FAM240B: variants seen among roughly 807,000 people sequenced by gnomAD.
FAM240B encodes protein FAM240B.
At chr9:38,702,532 C>T (rs1821142474) in intron 2 of FAM240B, among the ~76,000 whole-genome samples, 1 of 152,162 alleles carries the variant, frequency 6.6e-6, no homozygotes, top group South Asian at 2.1e-4. Flanking sequence ...GGACAGAGAA[C>T]CCGGACAGGC....
rs547189885 is a variant in FAM240B at position 38,694,665 on chromosome 9, G to A, written c.*111C>T. ...CATGTAAATCCCCTAGCAAATGGAA[G>A]CACAAATAGAGAGCGTCCTGTTTAG... is the stretch of plus-strand genomic sequence containing the variant. On this transcript the variant is annotated 3_prime_UTR_variant, in exon 3 of 3. Transcript: ENST00000637493. 18 of 396,884 alleles carry A rather than the reference G, an allele frequency of 4.5e-5. No individual in the cohort carries two copies. Among genetic ancestry groups the A allele is most frequent in the South Asian group, 2.7e-4 (2 of 7,352 alleles). 24.6% of individuals were successfully genotyped at this position (396,884 alleles called of 1,614,324 possible). A position where few individuals can be genotyped will look rare whatever the true frequency, so the allele number is the denominator to read the frequency against.
chr9:38,706,205 T>TAGCC (rs1371004485), intron 1 of FAM240B, among the ~76,000 whole-genome samples: 2 of 113,112 alleles, frequency 1.8e-5, no homozygotes, highest in Non-Finnish European at 2.1e-5. Flanking sequence ...CATTGTGGAA[T>TAGCC]AGCTAAATCG....
intron 1 of FAM240B, among the ~76,000 whole-genome samples, chr9:38,713,795 T>C (rs563068541): frequency 8.1e-4 from 124 of 152,344 alleles, no homozygotes; most frequent in African/African-American, 2.7e-3. Flanking sequence ...ATGGTGATGA[T>C]AGGTGCATCT....
At chr9:38,718,433 A>T (rs1424066951) in intron 1 of FAM240B, among the ~76,000 whole-genome samples, 2 of 152,256 alleles carry the variant, frequency 1.3e-5, no homozygotes, top group Non-Finnish European at 2.9e-5. Context: ...ATGACATAAC[A>T]GTATGGGCTG....
At chr9:38,719,134 T>C (rs948268501) in intron 1 of FAM240B, among the ~76,000 whole-genome samples, 1 of 152,226 alleles carries the variant, frequency 6.6e-6, no homozygotes, top group East Asian at 1.9e-4. Context: ...CACCTTCAAA[T>C]GAGGGTATCT....
rs1243184981 is a variant in FAM240B, at chr9:38,720,010, A to C, written c.-4+12T>G. On this transcript the variant is annotated intron_variant, in intron 1 of 2. Transcript: ENST00000637493. ...TTCCCACACTTGACAACACAAGCTC[A>C]ATGTACTGTACCTTAAAGATGAATT... The C allele has an allele frequency of 6.7e-6, 1 of 150,250 alleles. No individual in the cohort carries two copies. Among genetic ancestry groups the C allele is most frequent in the African/African-American group, 2.5e-5 (1 of 40,608 alleles). The allele number at this position is 150,250 out of a possible 1,614,324, so 9.3% of individuals were successfully genotyped here. A position where few individuals can be genotyped will look rare whatever the true frequency, so the allele number is the denominator to read the frequency against.
intron 1 of FAM240B, among the ~76,000 whole-genome samples, chr9:38,717,122 G>A (rs1821312914): frequency 6.6e-6 from 1 of 152,176 alleles, no homozygotes; most frequent in African/African-American, 2.4e-5. Context: ...GCCCAGGGAA[G>A]CAAAGAGCAG....
At chr9:38,714,054 G>T (rs550383834) in intron 1 of FAM240B, among the ~76,000 whole-genome samples, 63 of 152,222 alleles carry the variant, frequency 4.1e-4, no homozygotes, top group African/African-American at 1.4e-3. Context: ...AATAGGTGAA[G>T]GGCATTGCAG....
At chr9:38,696,653 A>C (rs746584188) in intron 2 of FAM240B, among the ~76,000 whole-genome samples, 3 of 151,848 alleles carry the variant, frequency 2.0e-5, no homozygotes, top group Non-Finnish European at 4.4e-5. Flanking sequence ...ACTAAAAACA[A>C]AAAAAAATAA....
intron 2 of FAM240B, among the ~76,000 whole-genome samples, chr9:38,700,262 A>G (rs958132848): frequency 2.0e-5 from 3 of 152,232 alleles, no homozygotes; most frequent in African/African-American, 7.2e-5. Flanking sequence ...TTCTGAGTCC[A>G]ATATCTTATT....
chr9:38,716,961 G>A (rs1821310196), intron 1 of FAM240B, among the ~76,000 whole-genome samples: 1 of 152,214 alleles, frequency 6.6e-6, no homozygotes, highest in Non-Finnish European at 1.5e-5. Context: ...GCCCCACACT[G>A]TGTGCTTTCC....
chr9:38,705,419 CT>C (rs1821178020), intron 1 of FAM240B: 27 of 151,450 alleles, frequency 1.8e-4, no homozygotes, highest in Admixed American at 1.6e-3. Flanking sequence ...GAAACCCTGT[CT>C]CTACAAAAAT....
At chr9:38,700,531 A>T (rs77799171) in intron 2 of FAM240B, among the ~76,000 whole-genome samples, 2,968 of 152,322 alleles carry the variant, frequency 0.019, 99 homozygotes, top group African/African-American at 0.067. Flanking sequence ...AAGACTTATT[A>T]TCTAAACTGA....
chr9:38,711,720 G>A lies in FAM240B; in HGVS notation c.-3-7718C>T, dbSNP rs1411444162. Among the ~76,000 whole-genome samples, 14 of 142,378 alleles carry A rather than the reference G, an allele frequency of 9.8e-5. 1 individual carries two copies. The highest frequency in any genetic ancestry group is 1.5e-4 in the Non-Finnish European group (10 of 66,716). The allele number at this position is 142,378 out of a possible 152,430, so 93.4% of individuals were successfully genotyped here. A position where few individuals can be genotyped will look rare whatever the true frequency, so the allele number is the denominator to read the frequency against. On this transcript the variant is annotated intron_variant, in intron 1 of 2. Transcript: ENST00000637493. Reference sequence around the variant, plus strand: ...CACCCAGGCTGGAGTTCAGTGGCTCGATCTCTGCTCACTGTAACCTCCGCC... The same window carrying A: ...CACCCAGGCTGGAGTTCAGTGGCTCAATCTCTGCTCACTGTAACCTCCGCC...
intron 2 of FAM240B, among the ~76,000 whole-genome samples, chr9:38,697,206 A>G (rs1233624353): frequency 6.6e-6 from 1 of 152,200 alleles, no homozygotes; most frequent in African/African-American, 2.4e-5. Flanking sequence ...AGATGTAAGG[A>G]GCAAAGTTGA....
At chr9:38,695,395 G>A (rs1274369998) in intron 2 of FAM240B, among the ~76,000 whole-genome samples, 2 of 152,194 alleles carry the variant, frequency 1.3e-5, no homozygotes, top group South Asian at 2.1e-4. Context: ...GCGTGGTGGC[G>A]GTGCCTGCAG....
intron 1 of FAM240B, among the ~76,000 whole-genome samples, chr9:38,710,282 A>T (rs1351507857): frequency 6.6e-6 from 1 of 152,058 alleles, no homozygotes; most frequent in Non-Finnish European, 1.5e-5. Context: ...ATGTCTTTTA[A>T]ATTCCCTCTA....
intron 1 of FAM240B, among the ~76,000 whole-genome samples, chr9:38,716,378 A>C (rs1004099368): frequency 2.0e-5 from 3 of 152,202 alleles, no homozygotes; most frequent in African/African-American, 7.2e-5. Flanking sequence ...AGGCTGAGGC[A>C]GGAGAATCGC....
At chr9:38,713,875 TA>T (rs1474275086) in intron 1 of FAM240B, among the ~76,000 whole-genome samples, 3 of 152,228 alleles carry the variant, frequency 2.0e-5, no homozygotes, top group African/African-American at 7.2e-5. Context: ...AAATGAATGT[TA>T]AAAAGTAAGC....
Sources: gnomAD v4.1 joint callset for allele counts (sites outside exome capture counted in the v4.1 genomes callset) on GRCh38, gnomAD v4.1.1 for gene constraint, MANE v1.5 for transcripts, NCBI Gene and HGNC (gene_info 2026-07-23, HGNC 2026-07-21) for gene names.